GFM1: variants seen among roughly 807,000 people sequenced by gnomAD.
GFM1 encodes elongation factor G, mitochondrial.
A neutral mutation model predicts 96.2 loss-of-function variants in GFM1; 62 were observed. The ratio of observed to expected loss-of-function variants is 0.64; its 90% CI spans 0.53 to 0.80. GFM1 has a LOEUF of 0.80. GFM1 is among the 30% of genes least tolerant of loss of function. The probability of loss-of-function intolerance (pLI) is 0.00; values close to 1 mark genes in which losing one functional copy is unlikely to be tolerated. For synonymous variants in GFM1, 282 were observed against 312.9 expected (o/e 0.90, Z 1.04); for missense variants, 852 against 916.6 (o/e 0.93, Z 0.91).
In GFM1 at chr3:158,665,453, A is replaced by C. The variant is rs1254519897; in HGVS notation, c.1497A>C (p.Leu499Phe). 6.2e-7 allele frequency: 1 copy of C among 1,610,356 alleles called. No individual in the cohort carries two copies. Among genetic ancestry groups the C allele is most frequent in the African/African-American group, 1.3e-5 (1 of 74,858 alleles). ...KETVISGMGELHLEIYAQRLE... is the reference protein window; with the variant it reads ...KETVISGMGEFHLEIYAQRLE... ...CAGTTATATCTGGAATGGGAGAATT[A>C]CACCTGGAAATCTATGCTCAGGTAA... Residue 499 changes from leucine to phenylalanine, a missense_variant, in exon 12 of 18, where the codon TTA (leucine) becomes TTC (phenylalanine). Transcript: ENST00000486715.
intron 15 of GFM1, among the ~76,000 whole-genome samples, chr3:158,686,923 A>G (rs1053527127): frequency 6.6e-6 from 1 of 151,554 alleles, no homozygotes; most frequent in African/African-American, 2.4e-5. Flanking sequence ...AGTAGAGACA[A>G]GGGTTCACCA....
intron 5 of GFM1, chr3:158,649,970 G>C (rs1722160013): frequency 6.6e-7 from 1 of 1,507,710 alleles, no homozygotes; most frequent in Non-Finnish European, 8.9e-7. Context: ...TTTGTTCTGA[G>C]GAGTGACCTC....
chr3:158,666,765 T>C (rs763262282), intron 13 of GFM1: 4 of 1,595,042 alleles, frequency 2.5e-6, no homozygotes, highest in East Asian at 4.5e-5. Context: ...AGAAAATTAA[T>C]GCCATGATAA....
chr3:158,662,749 T>C (rs1723294755), intron 11 of GFM1, 65 bp downstream of exon 11: 8 of 908,794 alleles, frequency 8.8e-6, no homozygotes, highest in Non-Finnish European at 1.5e-5. Flanking sequence ...CATCTATCTC[T>C]ACAATGCACT....
intron 13 of GFM1, among the ~76,000 whole-genome samples, chr3:158,680,225 T>C (rs1725252337): frequency 6.6e-6 from 1 of 152,150 alleles, no homozygotes; most frequent in Non-Finnish European, 1.5e-5. Context: ...AGTGGTGAAG[T>C]CTGGGCTTTT....
At chr3:158,649,814 ACCTC>A in intron 5 of GFM1, 1 of 563,006 alleles carries the variant, frequency 1.8e-6, no homozygotes, top group Non-Finnish European at 3.2e-6. Context: ...TCCTGGCTCT[ACCTC>A]CAGAGATTCT....
In GFM1 at chr3:158,695,515, A is replaced by G. The variant is rs549972334; in HGVS notation, c.*4048A>G. The G allele has an allele frequency of 3.3e-5, 5 of 152,356 alleles. No individual in the cohort carries two copies. The South Asian group carries it at 8.3e-4, about 25-fold the overall frequency. 9.4% of individuals were successfully genotyped at this position (152,356 alleles called of 1,614,324 possible). A position where few individuals can be genotyped will look rare whatever the true frequency, so the allele number is the denominator to read the frequency against. On this transcript the variant is annotated 3_prime_UTR_variant, in exon 18 of 18. Transcript: ENST00000486715. ...TTGTGTTTGTATATTATTTGTATGT[A>G]TAGAATTCCCCCTCATAATCTATTG... is the stretch of plus-strand genomic sequence containing the variant.
At chr3:158,677,029 A>G (rs1305645851) in intron 13 of GFM1, among the ~76,000 whole-genome samples, 5 of 152,268 alleles carry the variant, frequency 3.3e-5, no homozygotes, top group East Asian at 3.9e-4. Flanking sequence ...AGCATATTCT[A>G]ACTTCACATC....
chr3:158,660,871 T>C lies in GFM1; in HGVS notation c.1222-3T>C. ...TATAATTTTGTGTTATTTGTTTTTTTAGGATGTTGAGGAAGTATATGCCGG... is the reference window on the plus strand; with the variant it reads ...TATAATTTTGTGTTATTTGTTTTTTCAGGATGTTGAGGAAGTATATGCCGG... On this transcript the variant is annotated splice_polypyrimidine_tract_variant and splice_region_variant and intron_variant, in intron 9 of 17. Transcript: ENST00000486715. 1 of 1,611,954 alleles carries C rather than the reference T, an allele frequency of 6.2e-7. No individual in the cohort carries two copies. Among genetic ancestry groups the C allele is most frequent in the Non-Finnish European group, 8.5e-7 (1 of 1,178,050 alleles).
At chr3:158,661,541 A>G (rs1344099252) in intron 10 of GFM1, among the ~76,000 whole-genome samples, 1 of 152,232 alleles carries the variant, frequency 6.6e-6, no homozygotes, top group Non-Finnish European at 1.5e-5. Context: ...TTTGGAACTC[A>G]GAAGTCCCTT....
intron 7 of GFM1, among the ~76,000 whole-genome samples, 159 bp from the exon 8 acceptor site, chr3:158,654,388 T>C (rs928337350): frequency 1.3e-5 from 2 of 152,092 alleles, no homozygotes; most frequent in Non-Finnish European, 2.9e-5. Context: ...TGAGAACTTA[T>C]TTCTATTGAT....
At chr3:158,654,934 A>G (rs1576737778) in intron 8 of GFM1, among the ~76,000 whole-genome samples, 1 of 152,196 alleles carries the variant, frequency 6.6e-6, no homozygotes, top group South Asian at 2.1e-4. Flanking sequence ...GTTTCTATAA[A>G]TAGTTTAAGC....
At chr3:158,660,675 A>C in intron 9 of GFM1, 199 bp from the exon 10 acceptor site, 3 of 591,518 alleles carry the variant, frequency 5.1e-6, no homozygotes, top group Non-Finnish European at 9.0e-6. Flanking sequence ...TATATGGTTT[A>C]AATGAAGGCC....
intron 1 of GFM1, 132 bp from the exon 2 acceptor site, chr3:158,645,497 T>A (rs1721697940): frequency 6.5e-6 from 5 of 767,174 alleles, no homozygotes; most frequent in African/African-American, 3.4e-5. Flanking sequence ...AGGTTTCCCC[T>A]GGTGCCTTTC....
chr3:158,653,440 A>G lies in GFM1; in HGVS notation c.971A>G (p.Gln324Arg), dbSNP rs111345385. ...LEYLPNPSEV[Q>R]NYAILNKEDD... ...TACCTCCCAAATCCATCTGAAGTCC[A>G]GAACTATGCTATTCTCAATAAAGAG... The change falls in exon 7 of 18, where the codon CAG becomes CGG. Residue 324 changes from glutamine to arginine, a missense_variant. Coordinates refer to ENST00000486715, the MANE Select transcript of GFM1 (RefSeq NM_024996.7). 10 of 1,613,152 alleles carry G rather than the reference A, an allele frequency of 6.2e-6. No homozygotes were observed. The East Asian group carries it at 6.7e-5, about 11-fold the overall frequency.
intron 13 of GFM1, among the ~76,000 whole-genome samples, chr3:158,678,996 C>T (rs1725140586): frequency 6.6e-6 from 1 of 152,072 alleles, no homozygotes; most frequent in South Asian, 2.1e-4. Flanking sequence ...ATAGTGAGAC[C>T]CATCTCTAAA....
intron 5 of GFM1, chr3:158,650,040 A>C (rs1722168127): frequency 6.5e-7 from 1 of 1,535,876 alleles, no homozygotes; most frequent in Non-Finnish European, 8.7e-7. Context: ...CTGCTATGGA[A>C]TTGGGATCGC....
rs776718495 is a variant in GFM1 at position 158,691,507 on chromosome 3, C to T, written c.*40C>T. On this transcript the variant is annotated 3_prime_UTR_variant, in exon 18 of 18. Transcript: ENST00000486715. ...AGTTGACTGACTCTAATTGAATCTGCGTGGTTTTGATACTTTGATGGATTC... is the reference window on the plus strand; with the variant it reads ...AGTTGACTGACTCTAATTGAATCTGTGTGGTTTTGATACTTTGATGGATTC... The T allele has an allele frequency of 1.7e-5, 27 of 1,608,526 alleles. No individual in the cohort carries two copies. Among genetic ancestry groups the T allele is most frequent in the South Asian group, 2.2e-5 (2 of 90,440 alleles).
At chr3:158,664,036 C>T (rs572915907) in intron 11 of GFM1, among the ~76,000 whole-genome samples, 49 of 152,248 alleles carry the variant, frequency 3.2e-4, no homozygotes, top group Non-Finnish European at 5.6e-4. Context: ...GCTGTGTGGC[C>T]TTGAACAAAT....
Sources: allele counts gnomAD v4.1 joint callset (sites outside exome capture counted in the v4.1 genomes callset), GRCh38; gene constraint gnomAD v4.1.1; transcripts MANE v1.5; gene names NCBI Gene and HGNC (gene_info 2026-07-23, HGNC 2026-07-21).